The following CAMTA1 variants were observed in gnomAD, a reference collection of about 807,000 sequenced individuals.
CAMTA1 encodes the protein calmodulin-binding transcription activator 1.
Under a neutral mutation model 170.9 loss-of-function variants are expected in CAMTA1, and 27 were observed. That is an observed-to-expected ratio of 0.16 (90% CI 0.12 to 0.22). CAMTA1 has a LOEUF of 0.22. Ranked by LOEUF, CAMTA1 falls within the 10% of genes least tolerant of loss-of-function variation. The probability of loss-of-function intolerance (pLI) is 1.00; values close to 1 mark genes in which losing one functional copy is unlikely to be tolerated. For synonymous variants in CAMTA1, 833 were observed against 891.5 expected, an observed-to-expected ratio of 0.93 and a Z score of 1.17; for missense variants, 1,619 against 2,217.2, an observed-to-expected ratio of 0.73 and a Z score of 5.42.
chr1:7,040,617 G>A (rs1483293766), intron 3 of CAMTA1, among the ~76,000 whole-genome samples: 1 of 152,052 alleles, frequency 6.6e-6, no homozygotes, highest in African/African-American at 2.4e-5. Flanking sequence ...CAGGGAGTCA[G>A]GGGTCATCTT....
At chr1:7,483,385 A>G (rs1349963444) in intron 6 of CAMTA1, among the ~76,000 whole-genome samples, 1 of 152,238 alleles carries the variant, frequency 6.6e-6, no homozygotes, top group Non-Finnish European at 1.5e-5. Flanking sequence ...CACCACGGCC[A>G]GAGACTGCAG....
At position 6,988,491 on chromosome 1, in the gene CAMTA1, AT is replaced by A. The variant is rs1695736945; in HGVS notation, c.235-102812del. ...TACTTCTTAGGTAGTGGATACACAG[AT>A]GGAAATTCATTTAATGAACTACAAG... On this transcript the variant is annotated intron_variant, in intron 3 of 22. Transcript: ENST00000303635. Among the ~76,000 whole-genome samples, 2 of 152,184 alleles carry A rather than the reference AT, an allele frequency of 1.3e-5. 1 individual carries two copies. Among genetic ancestry groups the A allele is most frequent in the South Asian group, 4.1e-4 (2 of 4,826 alleles).
chr1:7,129,107 G>T (rs1645101742), intron 4 of CAMTA1, among the ~76,000 whole-genome samples: 1 of 151,976 alleles, frequency 6.6e-6, no homozygotes, highest in South Asian at 2.1e-4. Flanking sequence ...CAAAGTGCTG[G>T]GATTACAGGC....
In CAMTA1 at chr1:7,456,572, C is replaced by T. The variant is rs1356271366; in HGVS notation, c.439-11258C>T. 6.6e-6 allele frequency among the ~76,000 whole-genome samples: 1 copy of T among 152,234 alleles called. No homozygotes were observed. Among genetic ancestry groups the T allele is most frequent in the Non-Finnish European group, 1.5e-5 (1 of 68,046 alleles). ...GAATATACACGTACACTGAGCAGAG[C>T]TCCTGCTGATGACAGGACCGCAGAT... On this transcript the variant is annotated intron_variant, in intron 5 of 22. Transcript: ENST00000303635. This position sits in a 1 kb window ranked among gnomAD's most constrained non-coding sequence, Gnocchi z 4.9.
chr1:7,628,141 C>T (rs900264615), intron 6 of CAMTA1, among the ~76,000 whole-genome samples: 9 of 152,188 alleles, frequency 5.9e-5, no homozygotes, highest in Admixed American at 4.6e-4. Flanking sequence ...TGTGTCTTCT[C>T]CCCTCAGCCC....
At chr1:7,594,846 T>C (rs149583005) in intron 6 of CAMTA1, among the ~76,000 whole-genome samples, 54 of 152,226 alleles carry the variant, frequency 3.5e-4, no homozygotes, top group African/African-American at 1.3e-3. Flanking sequence ...GATGAAGAGC[T>C]CCCCTCGGGT....
chr1:6,845,390 A>G (rs1305675373), intron 3 of CAMTA1, among the ~76,000 whole-genome samples: 1 of 152,168 alleles, frequency 6.6e-6, no homozygotes, highest in Non-Finnish European at 1.5e-5. Flanking sequence ...TGGTGGTTTT[A>G]CTTTTCGCTT....
At chr1:7,375,360 T>C (rs1040370098) in intron 5 of CAMTA1, among the ~76,000 whole-genome samples, 2 of 152,152 alleles carry the variant, frequency 1.3e-5, no homozygotes, top group Non-Finnish European at 2.9e-5. Context: ...GAAACCACCA[T>C]TGGCCACACC....
rs2092614640 is a variant in CAMTA1 at position 7,443,919 on chromosome 1, G to C, written c.439-23911G>C. Among the ~76,000 whole-genome samples the C allele has an allele frequency of 6.6e-6, 1 of 152,188 alleles. No individual in the cohort carries two copies. Among genetic ancestry groups the C allele is most frequent in the South Asian group, 2.1e-4 (1 of 4,834 alleles). On this transcript the variant is annotated intron_variant, in intron 5 of 22. Transcript: ENST00000303635. This position sits in a 1 kb window ranked among gnomAD's most constrained non-coding sequence, Gnocchi z 4.1. The stretch of plus-strand genomic sequence containing the variant: ...ATGCCTCTGCCTGGACACAGGACCA[G>C]GAAATGCCATCCCCAGTCTTGTTGG...
chr1:7,403,068 A>G (rs1421262950), intron 5 of CAMTA1, among the ~76,000 whole-genome samples: 1 of 152,146 alleles, frequency 6.6e-6, no homozygotes, highest in East Asian at 1.9e-4. Flanking sequence ...AATGATATTA[A>G]TCACCCAGGC....
intron 3 of CAMTA1, among the ~76,000 whole-genome samples, chr1:6,960,970 C>T (rs1360265768): frequency 2.0e-5 from 3 of 152,190 alleles, no homozygotes; most frequent in Admixed American, 2.0e-4. Flanking sequence ...GGTTGTGTAA[C>T]TTCTCAATAT....
chr1:7,098,239 A>G (rs757246715), intron 4 of CAMTA1, among the ~76,000 whole-genome samples: 8 of 152,380 alleles, frequency 5.3e-5, no homozygotes, highest in South Asian at 2.1e-4. Flanking sequence ...CTTTGGAACT[A>G]TGCAGGAAAA....
intron 3 of CAMTA1, among the ~76,000 whole-genome samples, chr1:7,089,388 T>G (rs1277491641): frequency 6.6e-6 from 1 of 152,186 alleles, no homozygotes; most frequent in African/African-American, 2.4e-5. Flanking sequence ...ATAGAGTTAA[T>G]TAAATAATTG....
chr1:7,336,240 C>T (rs2083376898), intron 5 of CAMTA1, among the ~76,000 whole-genome samples: 1 of 152,224 alleles, frequency 6.6e-6, no homozygotes, highest in Admixed American at 6.5e-5. Flanking sequence ...GCTCTACTGG[C>T]TGTGGCCTGG....
Position 6,934,436 on chromosome 1 carries a change from G to A in CAMTA1, c.234+109226G>A, listed in dbSNP as rs536879090. ...TTCATATTTGAGGCTCCACGGATGT[G>A]GTGAATGGGTGCCCTGGGAGGATGG... On this transcript the variant is annotated intron_variant, in intron 3 of 22. Coordinates refer to ENST00000303635, the MANE Select transcript of CAMTA1 (RefSeq NM_015215.4). The surrounding 1 kb of genome is among the most constrained non-coding windows in gnomAD (Gnocchi z 4.5). 7.9e-5 allele frequency among the ~76,000 whole-genome samples: 12 copies of A among 152,322 alleles called. No individual in the cohort carries two copies. Among genetic ancestry groups the A allele is most frequent in the Admixed American group, 5.2e-4 (8 of 15,298 alleles).
chr1:6,790,580 A>G (rs1271551056), intron 1 of CAMTA1, among the ~76,000 whole-genome samples: 2 of 152,116 alleles, frequency 1.3e-5, no homozygotes, highest in African/African-American at 4.8e-5. Flanking sequence ...AGTGGTAGAA[A>G]AATATTTTTT....
chr1:7,030,309 C>T (rs1445863252), intron 3 of CAMTA1, among the ~76,000 whole-genome samples: 1 of 152,128 alleles, frequency 6.6e-6, no homozygotes, highest in Non-Finnish European at 1.5e-5. Context: ...GATCTTTTAT[C>T]CTGGCATTTT....
chr1:7,717,095 G>C (rs1030083021), intron 11 of CAMTA1, among the ~76,000 whole-genome samples: 7 of 152,238 alleles, frequency 4.6e-5, no homozygotes, highest in Admixed American at 4.6e-4. Context: ...GTGGACAATA[G>C]AATAGTCATT....
chr1:7,001,828 A>G (rs540281573), intron 3 of CAMTA1, among the ~76,000 whole-genome samples: 2 of 151,888 alleles, frequency 1.3e-5, no homozygotes, highest in Non-Finnish European at 1.5e-5. Context: ...GATTAATGCA[A>G]CCAAGCTAAT....
Sources: gnomAD v4.1 joint callset for allele counts (sites outside exome capture counted in the v4.1 genomes callset) on GRCh38, gnomAD v4.1.1 for gene constraint, Gnocchi (gnomAD v3.1) non-coding constraint, MANE v1.5 for transcripts, NCBI Gene and HGNC (gene_info 2026-07-23, HGNC 2026-07-21) for gene names.